The following SOX6 variants were observed in gnomAD, a reference collection of about 807,000 sequenced individuals.
The protein encoded by SOX6 is SRY-box transcription factor 6.
SOX6 carries 11 observed loss-of-function variants against 97.8 expected under a neutral mutation model. That is an observed-to-expected ratio of 0.11 (90% CI 0.07 to 0.19). SOX6 has a LOEUF of 0.19. Among genes scored for constraint, SOX6 ranks in the 10% least tolerant of loss-of-function variants. The probability of loss-of-function intolerance (pLI) is 1.00; values close to 1 mark genes in which losing one functional copy is unlikely to be tolerated. For missense variants in SOX6, 810 were observed against 1,039.5 expected (o/e 0.78, Z 3.04); for synonymous variants, 360 against 371.4 (o/e 0.97, Z 0.35).
intron 1 of SOX6, among the ~76,000 whole-genome samples, chr11:16,432,033 C>G (rs1859280943): frequency 6.6e-6 from 1 of 152,044 alleles, no homozygotes; most frequent in East Asian, 1.9e-4. Context: ...GTTCCCTTAG[C>G]AAACCAATCA....
intron 3 of SOX6, among the ~76,000 whole-genome samples, chr11:16,303,854 T>A (rs10160356): frequency 0.1 from 15,526 of 152,244 alleles, 845 homozygotes; most frequent in African/African-American, 0.12. Context: ...AGTGCATACC[T>A]AAGCATATCA....
intron 1 of SOX6, among the ~76,000 whole-genome samples, chr11:16,401,480 C>A (rs527593261): frequency 5.9e-4 from 90 of 151,648 alleles, no homozygotes; most frequent in Non-Finnish European, 2.8e-4. Context: ...ACAAGTTAGA[C>A]ATGTTTTTTT....
intron 2 of SOX6, among the ~76,000 whole-genome samples, chr11:16,721,496 T>TTCTGTCTCTGTC (rs1192157479): frequency 8.7e-6 from 1 of 115,166 alleles, no homozygotes; most frequent in African/African-American, 3.3e-5. Flanking sequence ...GGTGGGTCTT[T>TTCTGTCTCTGTC]TCTGTCTCTC....
rs757145836 is a variant in SOX6, at chr11:15,973,072, C to T, written c.2224G>A (p.Val742Met). The part of the protein sequence containing the change: ...QIPITTGTGV[V>M]YPGAITMATT... Reference sequence around the variant, plus strand: ...GCCATAGTGATAGCACCAGGATACACAACACCTGTTCCTGTGGTGATTGGA... The same window carrying T: ...GCCATAGTGATAGCACCAGGATACATAACACCTGTTCCTGTGGTGATTGGA... The change falls in exon 16 of 16, where the codon GTG (valine) becomes ATG (methionine). Residue 742 changes from valine (V) to methionine (M), a missense_variant. By Grantham distance (21) the Val-to-Met change is conservative. Around this residue, in one of 9 missense-constraint regions of SOX6, gnomAD observed 122 missense variants for 153.4 expected, o/e 0.80. Coordinates refer to ENST00000683767, the MANE Select transcript of SOX6 (RefSeq NM_001367873.1). 1.9e-6 allele frequency: 3 copies of T among 1,614,028 alleles called. No individual in the cohort carries two copies. The highest frequency in any genetic ancestry group is 1.1e-5 in the South Asian group (1 of 91,090).
intron 3 of SOX6, among the ~76,000 whole-genome samples, chr11:16,285,592 CA>C (rs1164898361): frequency 1.3e-5 from 2 of 152,008 alleles, no homozygotes; most frequent in African/African-American, 2.4e-5. Context: ...TTTTAAATGT[CA>C]GGGTGTTTTT....
chr11:16,020,431 C>T (rs1472382996), intron 12 of SOX6, among the ~76,000 whole-genome samples: 1 of 152,076 alleles, frequency 6.6e-6, no homozygotes, highest in African/African-American at 2.4e-5. Context: ...CAAAACCTTC[C>T]GTGGCTTCCC....
chr11:16,428,466 A>G (rs1251639558), intron 1 of SOX6, among the ~76,000 whole-genome samples: 3 of 152,186 alleles, frequency 2.0e-5, no homozygotes, highest in Non-Finnish European at 4.4e-5. Context: ...TAGGTCTAAC[A>G]TTTAAGTCTT....
rs140370002 is a variant in SOX6 at position 16,463,330 on chromosome 11, A to T, written c.-5+12985T>A. On this transcript the variant is annotated intron_variant, in intron 1 of 15. Coordinates refer to the SOX6 transcript ENST00000396356. ...TCAGGCACTGTGCTAGAAACTCCAT[A>T]TACAAGTTTGAACAAAACAGTCATG... 9.3e-4 allele frequency among the ~76,000 whole-genome samples: 142 copies of T among 152,324 alleles called. 3 individuals carry two copies. The East Asian group carries it at 0.025, about 27-fold the overall frequency.
intron 2 of SOX6, among the ~76,000 whole-genome samples, chr11:16,725,326 C>T (rs1301671638): frequency 6.6e-6 from 1 of 152,082 alleles, no homozygotes; most frequent in Non-Finnish European, 1.5e-5. Context: ...GAGTTAGACA[C>T]CGGTGTGGAC....
intron 3 of SOX6, chr11:16,313,193 G>A (rs1855659093): frequency 6.6e-6 from 1 of 152,146 alleles, no homozygotes; most frequent in African/African-American, 2.4e-5. Flanking sequence ...GGACAATTTG[G>A]TTGATCAAAG....
intron 4 of SOX6, among the ~76,000 whole-genome samples, chr11:16,497,082 G>A (rs1860612910): frequency 6.6e-6 from 1 of 152,158 alleles, no homozygotes; most frequent in Admixed American, 6.5e-5. Flanking sequence ...GGGGCAGACT[G>A]ACACCTCAAA....
chr11:16,306,858 G>A (rs1214578335), intron 3 of SOX6, among the ~76,000 whole-genome samples: 5 of 151,710 alleles, frequency 3.3e-5, no homozygotes, highest in Non-Finnish European at 5.9e-5. Flanking sequence ...TCTCCTGACC[G>A]CGTGATCCAC....
chr11:16,583,512 C>T (rs1848049717), intron 4 of SOX6, among the ~76,000 whole-genome samples: 1 of 149,420 alleles, frequency 6.7e-6, no homozygotes, highest in African/African-American at 2.4e-5. Flanking sequence ...TTTCAGCTTC[C>T]ATATATGAGT....
chr11:16,039,036 T>C (rs1855588085), intron 12 of SOX6, among the ~76,000 whole-genome samples: 1 of 152,144 alleles, frequency 6.6e-6, no homozygotes, highest in Non-Finnish European at 1.5e-5. Context: ...TTTTGCCTGG[T>C]TACCAGGAAG....
intron 6 of SOX6, among the ~76,000 whole-genome samples, chr11:16,112,986 T>G (rs1849266251): frequency 6.6e-6 from 1 of 152,206 alleles, no homozygotes; most frequent in African/African-American, 2.4e-5. Context: ...TTATATCTTT[T>G]TTAAGATACA....
intron 9 of SOX6, among the ~76,000 whole-genome samples, chr11:16,071,302 C>G (rs1277261254): frequency 1.3e-5 from 2 of 152,206 alleles, no homozygotes; most frequent in Non-Finnish European, 2.9e-5. Context: ...CCAAACCCCT[C>G]CACTGGTAGC....
chr11:16,266,502 A>G (rs1464374931), intron 3 of SOX6, among the ~76,000 whole-genome samples: 1 of 151,708 alleles, frequency 6.6e-6, no homozygotes, highest in African/African-American at 2.4e-5. Flanking sequence ...AACAGAAATA[A>G]CAATAACATG....
intron 4 of SOX6, among the ~76,000 whole-genome samples, chr11:16,490,289 A>G (rs1467644898): frequency 1.3e-5 from 2 of 152,042 alleles, no homozygotes; most frequent in African/African-American, 4.8e-5. Flanking sequence ...CTCCTTTGAT[A>G]TAGTTTGCTT....
intron 4 of SOX6, among the ~76,000 whole-genome samples, chr11:16,523,061 A>G (rs36141792): frequency 0.15 from 22,752 of 152,172 alleles, 1,777 homozygotes; most frequent in Non-Finnish European, 0.16. Flanking sequence ...TGTCAACATT[A>G]GACAGATCAA....
Sources: allele counts gnomAD v4.1 joint callset (sites outside exome capture counted in the v4.1 genomes callset), GRCh38; gene constraint gnomAD v4.1.1; regional missense constraint gnomAD v4.1.1; transcripts MANE v1.5; gene names NCBI Gene and HGNC (gene_info 2026-07-23, HGNC 2026-07-21).